SHANK2: variants seen among roughly 807,000 people sequenced by gnomAD.
SHANK2 encodes SH3 and multiple ankyrin repeat domains protein 2.
SHANK2 carries 43 observed loss-of-function variants against 133.7 expected under a neutral mutation model. That is an observed-to-expected ratio of 0.32 (90% CI 0.25 to 0.41). The LOEUF (loss-of-function observed/expected upper bound fraction) is 0.41. SHANK2 is among the 10% of genes least tolerant of loss of function. The pLI is 1.00. For synonymous variants in SHANK2, 1,017 were observed against 952.8 expected, an observed-to-expected ratio of 1.07 and a Z score of -1.24; for missense variants, 1,994 against 2,235.8, an observed-to-expected ratio of 0.89 and a Z score of 2.18.
chr11:71,085,582 A>T (rs1406044964), intron 8 of SHANK2, among the ~76,000 whole-genome samples: 2 of 34,928 alleles, frequency 5.7e-5, no homozygotes, highest in African/African-American at 1.8e-4. Flanking sequence ...ATATTATATA[A>T]TATATTATAT....
At chr11:70,481,775 G>A (rs1007494889) in intron 25 of SHANK2, among the ~76,000 whole-genome samples, 6 of 152,356 alleles carry the variant, frequency 3.9e-5, no homozygotes, top group Middle Eastern at 6.8e-3. Context: ...GTGGTGAGTC[G>A]CCCAGGCGGT....
Position 70,818,767 on chromosome 11 carries a change from G to A in SHANK2, c.1493+1597C>T, listed in dbSNP as rs1357240060. ...AGGACGTGGGGTCTGCCAGCTCTAA[G>A]AGGATCAGGCCTCGACCCTGTCTAG... On this transcript the variant is annotated intron_variant, in intron 12 of 25. Transcript: ENST00000601538. Among the ~76,000 whole-genome samples, 7 of 152,210 alleles carry A rather than the reference G, an allele frequency of 4.6e-5. No homozygotes were observed. In the East Asian group the frequency reaches 1.3e-3, roughly 29 times the overall value.
At chr11:70,667,135 A>T (rs1347582353) in intron 15 of SHANK2, among the ~76,000 whole-genome samples, 1 of 152,110 alleles carries the variant, frequency 6.6e-6, no homozygotes, top group African/African-American at 2.4e-5. Context: ...AAACGTCTTA[A>T]GGAAGGGGCA....
intron 2 of SHANK2, among the ~76,000 whole-genome samples, chr11:71,159,528 G>A (rs545915577): frequency 4.1e-4 from 62 of 152,264 alleles, no homozygotes; most frequent in African/African-American, 1.4e-3. Flanking sequence ...ATCTTTGGGG[G>A]CCATTAATTA....
At chr11:70,651,659 T>C (rs1397866671) in intron 17 of SHANK2, among the ~76,000 whole-genome samples, 1 of 152,180 alleles carries the variant, frequency 6.6e-6, no homozygotes, top group Admixed American at 6.5e-5. Context: ...GAGAAGCCAC[T>C]GAGCTGCCAG....
intron 10 of SHANK2, among the ~76,000 whole-genome samples, chr11:70,935,528 C>A (rs564637599): frequency 1.3e-5 from 2 of 152,252 alleles, no homozygotes; most frequent in African/African-American, 4.8e-5. Context: ...GAGGTCACTC[C>A]CCCTGGGTCA....
chr11:70,662,070 G>A (rs1287351727), intron 15 of SHANK2: 8 of 484,938 alleles, frequency 1.6e-5, no homozygotes, highest in Non-Finnish European at 2.7e-5. Context: ...CCTCAGCAGC[G>A]GCGGCGTCGG....
At chr11:70,488,477 T>C (rs148891024) in intron 24 of SHANK2, among the ~76,000 whole-genome samples, 15 of 152,296 alleles carry the variant, frequency 9.8e-5, no homozygotes, top group Non-Finnish European at 1.6e-4. Context: ...TGGGCCCCAC[T>C]AAGGGTTCTA....
At chr11:71,139,652 G>A (rs1440378032) in intron 3 of SHANK2, among the ~76,000 whole-genome samples, 1 of 152,176 alleles carries the variant, frequency 6.6e-6, no homozygotes, top group Non-Finnish European at 1.5e-5. Flanking sequence ...TTGTTTTAAA[G>A]GCCATGCTGA....
intron 15 of SHANK2, among the ~76,000 whole-genome samples, chr11:70,693,736 T>C (rs573651870): frequency 6.6e-6 from 1 of 152,284 alleles, no homozygotes; most frequent in South Asian, 2.1e-4. Flanking sequence ...GACAGATGAA[T>C]GCAGTGGTTG....
chr11:70,943,397 A>G (rs1950674713), intron 10 of SHANK2, among the ~76,000 whole-genome samples: 1 of 152,182 alleles, frequency 6.6e-6, no homozygotes, highest in African/African-American at 2.4e-5. Flanking sequence ...TGGAAACTCA[A>G]TTGGATGCCC....
intron 17 of SHANK2, among the ~76,000 whole-genome samples, chr11:70,575,951 C>T (rs1554984134): frequency 3.9e-5 from 6 of 151,912 alleles, no homozygotes; most frequent in Non-Finnish European, 7.4e-5. Context: ...GTGTCAGGGG[C>T]TCAGTAATTA....
intron 2 of SHANK2, among the ~76,000 whole-genome samples, chr11:71,165,497 A>T (rs1953124758): frequency 1.3e-5 from 2 of 152,148 alleles, no homozygotes; most frequent in Non-Finnish European, 2.9e-5. Flanking sequence ...TATGCTGTGC[A>T]GCAGCCCCAC....
intron 17 of SHANK2, among the ~76,000 whole-genome samples, chr11:70,551,036 C>A (rs782206051): frequency 1.3e-5 from 2 of 152,196 alleles, no homozygotes; most frequent in South Asian, 4.1e-4. Context: ...GCGGGGAGGG[C>A]CAAGGGGCTG....
In SHANK2 at chr11:70,473,386, A is replaced by T. The variant is rs1555149294; in HGVS notation, c.5033T>A (p.Phe1678Tyr). 7.5e-6 allele frequency: 12 copies of T among 1,610,534 alleles called. No individual in the cohort carries two copies. Among genetic ancestry groups the T allele is most frequent in the Non-Finnish European group, 1.0e-5 (12 of 1,179,970 alleles). The change falls in exon 26 of 26, where the codon TTC (phenylalanine) becomes TAC (tyrosine). Residue 1678 changes from phenylalanine (F) to tyrosine (Y), a missense_variant. Phe to Tyr is a conservative substitution (Grantham distance 22, BLOSUM62 3). Transcript: ENST00000601538. The surrounding 1 kb of genome is among the most constrained non-coding windows in gnomAD (Gnocchi z 5.9). ...ISGTRSTTVT[F>Y]TVRPGTSQPI... ...CTGGGAGGTGCCGGGGCGAACAGTG[A>T]AGGTGACCGTCGTGCTCCGTGTACC... is the stretch of plus-strand genomic sequence containing the variant.
chr11:70,673,878 T>C (rs1944860561), intron 15 of SHANK2, among the ~76,000 whole-genome samples: 1 of 152,240 alleles, frequency 6.6e-6, no homozygotes, highest in Non-Finnish European at 1.5e-5. Context: ...AGAGGGGCAG[T>C]TGTAAAAACA....
At chr11:70,671,825 C>T (rs1022528301) in intron 15 of SHANK2, among the ~76,000 whole-genome samples, 6 of 152,148 alleles carry the variant, frequency 3.9e-5, no homozygotes, top group Non-Finnish European at 8.8e-5. Flanking sequence ...AAAGCTGGCA[C>T]GGACTCTGCG....
intron 17 of SHANK2, among the ~76,000 whole-genome samples, chr11:70,515,636 T>A (rs1214174612): frequency 8.2e-5 from 2 of 24,314 alleles, no homozygotes; most frequent in Non-Finnish European, 1.8e-4. Context: ...CCTCGTTCCT[T>A]GAAAAAAAAA....
intron 17 of SHANK2, among the ~76,000 whole-genome samples, chr11:70,566,992 C>T (rs988338338): frequency 6.6e-6 from 1 of 152,184 alleles, no homozygotes; most frequent in Admixed American, 6.5e-5. Flanking sequence ...TTTGATGGTT[C>T]CCTCCGTTAG....
Sources: gnomAD v4.1 joint callset for allele counts (sites outside exome capture counted in the v4.1 genomes callset) on GRCh38, gnomAD v4.1.1 for gene constraint, Gnocchi (gnomAD v3.1) non-coding constraint, MANE v1.5 for transcripts, NCBI Gene and HGNC (gene_info 2026-07-23, HGNC 2026-07-21) for gene names.